C20orf203: variants seen among roughly 807,000 people sequenced by gnomAD.
C20orf203 encodes the protein chromosome 20 open reading frame 203.
In C20orf203, 16 loss-of-function variants were observed where a neutral mutation model predicts 15.9. The ratio of observed to expected loss-of-function variants is 1.01; its 90% CI spans 0.68 to 1.53. The LOEUF (loss-of-function observed/expected upper bound fraction) is 1.53, where lower values mean the gene tolerates loss of function less well. Among genes scored for constraint, C20orf203 ranks in the 40% most tolerant of loss-of-function variants. C20orf203 has a pLI of 0.00. For synonymous variants in C20orf203, 98 were observed against 97.2 expected (o/e 1.01, Z -0.05); for missense variants, 263 against 247.5 (o/e 1.06, Z -0.42).
In C20orf203 at chr20:32,633,924, C is replaced by G; in HGVS notation, c.*1646G>C. ...CCGTCCGCCTGGACTGGATGCTTCT[C>G]CCGGATCCTGATGCCTGAGCTTCAG... On this transcript the variant is annotated 3_prime_UTR_variant, in exon 6 of 6. Coordinates refer to ENST00000608990, the MANE Select transcript of C20orf203 (RefSeq NM_182584.4). The G allele has an allele frequency of 2.5e-6, 1 of 398,166 alleles. No homozygotes were observed. The highest frequency in any genetic ancestry group is 4.4e-6 in the Non-Finnish European group (1 of 226,090). The allele number at this position is 398,166 out of a possible 1,614,324, so 24.7% of individuals were successfully genotyped here. A position where few individuals can be genotyped will look rare whatever the true frequency, so the allele number is the denominator to read the frequency against.
chr20:32,637,232 G>A (rs1165124805), intron 5 of C20orf203, among the ~76,000 whole-genome samples: 1 of 152,172 alleles, frequency 6.6e-6, no homozygotes, highest in Non-Finnish European at 1.5e-5. Context: ...GACCAACATG[G>A]TGAAACCCCA....
intron 5 of C20orf203, among the ~76,000 whole-genome samples, chr20:32,639,409 G>A (rs1179678078): frequency 6.6e-6 from 1 of 152,084 alleles, no homozygotes; most frequent in African/African-American, 2.4e-5. Context: ...ACCTGGAAAC[G>A]AACCCCAGTT....
rs904251825 is a variant in C20orf203 at position 32,632,524 on chromosome 20, C to G, written c.*3046G>C. On this transcript the variant is annotated 3_prime_UTR_variant, in exon 6 of 6. Coordinates refer to ENST00000608990, the MANE Select transcript of C20orf203 (RefSeq NM_182584.4). ...GCACATGCACGTGTGTTCCTGCCCC[C>G]TCCTTGGTACTAACAGAAGCGCTCC... is the stretch of plus-strand genomic sequence containing the variant. 3.3e-5 allele frequency: 5 copies of G among 152,226 alleles called. No individual in the cohort carries two copies. The highest frequency in any genetic ancestry group is 1.2e-4 in the African/African-American group (5 of 41,454). 9.4% of individuals were successfully genotyped at this position (152,226 alleles called of 1,614,324 possible).
chr20:32,639,185 G>A (rs1982212518), intron 5 of C20orf203, among the ~76,000 whole-genome samples: 1 of 152,248 alleles, frequency 6.6e-6, no homozygotes, highest in Non-Finnish European at 1.5e-5. Flanking sequence ...GTGTTCCACA[G>A]TCCAGCAAAG....
At chr20:32,661,141 C>T (rs1310292790) in intron 1 of C20orf203, among the ~76,000 whole-genome samples, 1 of 152,138 alleles carries the variant, frequency 6.6e-6, no homozygotes, top group Non-Finnish European at 1.5e-5. Context: ...GAAAGGAGGG[C>T]CTGCGTCACC....
chr20:32,637,709 T>C (rs1384427165), intron 5 of C20orf203, among the ~76,000 whole-genome samples: 1 of 152,248 alleles, frequency 6.6e-6, no homozygotes, highest in Non-Finnish European at 1.5e-5. Flanking sequence ...GAGGTATTTC[T>C]GATGCTTAGA....
intron 1 of C20orf203, among the ~76,000 whole-genome samples, chr20:32,662,940 G>GATAA (rs1982928148): frequency 7.0e-6 from 1 of 143,532 alleles, no homozygotes; most frequent in Non-Finnish European, 1.5e-5. Flanking sequence ...TAGATAGATA[G>GATAA]ATATAAATAT....
chr20:32,659,613 C>A (rs1306491186), intron 1 of C20orf203, among the ~76,000 whole-genome samples: 1 of 152,208 alleles, frequency 6.6e-6, no homozygotes. Context: ...CCTGGCTGGA[C>A]CCCTCATGGG....
intron 4 of C20orf203, among the ~76,000 whole-genome samples, chr20:32,643,881 T>C (rs948020831): frequency 1.3e-5 from 2 of 152,212 alleles, no homozygotes; most frequent in African/African-American, 4.8e-5. Flanking sequence ...CATCATCACC[T>C]AGGAGAAGTG....
Position 32,650,471 on chromosome 20 carries a change from C to A in C20orf203, c.546G>T (p.Gln182His), listed in dbSNP as rs752015993. Residue 182 changes from glutamine to histidine, a missense_variant, in exon 4 of 6, where the codon CAG (glutamine) becomes CAT (histidine). Transcript: ENST00000608990. ...GKLPAPLISK[Q>H]QFLSNSSRSL... ...ACCGTGATGAATTGGAGAGAAACTG[C>A]TGCTTGCTAATTAAAGGTGCAGGCA... is the stretch of plus-strand genomic sequence containing the variant. 1 of 1,550,548 alleles carries A rather than the reference C, an allele frequency of 6.4e-7. No homozygotes were observed. The highest frequency in any genetic ancestry group is 1.2e-5 in the South Asian group (1 of 84,058).
At chr20:32,664,968 C>G (rs1232324829) in intron 1 of C20orf203, among the ~76,000 whole-genome samples, 2 of 152,246 alleles carry the variant, frequency 1.3e-5, no homozygotes, top group Non-Finnish European at 2.9e-5. Context: ...GACTCCGGAG[C>G]TGCCCCAGCA....
chr20:32,650,901 CAAG>C lies in C20orf203; in HGVS notation c.136-23_136-21del. 6.9e-7 allele frequency: 1 copy of C among 1,445,200 alleles called. No homozygotes were observed. The highest frequency in any genetic ancestry group is 9.1e-7 in the Non-Finnish European group (1 of 1,096,036). 89.5% of individuals were successfully genotyped at this position (1,445,200 alleles called of 1,614,324 possible). A position where few individuals can be genotyped will look rare whatever the true frequency, so the allele number is the denominator to read the frequency against. On this transcript the variant is annotated intron_variant, in intron 3 of 5. Coordinates refer to ENST00000608990, the MANE Select transcript of C20orf203 (RefSeq NM_182584.4). ...TGTGGCCTGTTGGGAACAAGGCCCC[CAAG>C]AAGATCATAGAATCTTAGTACCTGA...
chr20:32,639,047 GC>G (rs1982209662), intron 5 of C20orf203, among the ~76,000 whole-genome samples: 1 of 152,230 alleles, frequency 6.6e-6, no homozygotes. Context: ...GAGGGTACAA[GC>G]CCCAACTATC....
At chr20:32,642,761 C>T (rs977740487) in intron 4 of C20orf203, among the ~76,000 whole-genome samples, 1 of 152,130 alleles carries the variant, frequency 6.6e-6, no homozygotes, top group Non-Finnish European at 1.5e-5. Context: ...TCACCAAGGG[C>T]GCCTGCATCT....
intron 4 of C20orf203, among the ~76,000 whole-genome samples, chr20:32,642,491 G>A (rs1179743980): frequency 6.6e-6 from 1 of 152,240 alleles, no homozygotes; most frequent in East Asian, 1.9e-4. Context: ...CCAGGAGGTA[G>A]AGATAACACT....
chr20:32,642,370 A>C (rs1311954372), intron 4 of C20orf203, among the ~76,000 whole-genome samples: 1 of 152,192 alleles, frequency 6.6e-6, no homozygotes, highest in East Asian at 1.9e-4. Flanking sequence ...ATGTCTATGG[A>C]TGGACAGACA....
At chr20:32,672,680 C>T (rs1983202335) in intron 1 of C20orf203, among the ~76,000 whole-genome samples, 1 of 152,046 alleles carries the variant, frequency 6.6e-6, no homozygotes, top group African/African-American at 2.4e-5. Flanking sequence ...CCTTTTATTC[C>T]CTCCTGAATT....
chr20:32,634,383 G>T (rs1417111675), intron 5 of C20orf203, 113 bp from the exon 6 acceptor site: 1 of 395,620 alleles, frequency 2.5e-6, no homozygotes, highest in Non-Finnish European at 4.4e-6. Flanking sequence ...AGAAGTGCAC[G>T]TTGTTCCTTA....
chr20:32,665,841 C>T (rs1262761073), intron 1 of C20orf203, among the ~76,000 whole-genome samples: 1 of 152,074 alleles, frequency 6.6e-6, no homozygotes, highest in Non-Finnish European at 1.5e-5. Flanking sequence ...GAGGCTGAGG[C>T]AGGAAAATCG....
Sources: gnomAD v4.1 joint callset for allele counts (sites outside exome capture counted in the v4.1 genomes callset) on GRCh38, gnomAD v4.1.1 for gene constraint, MANE v1.5 for transcripts, NCBI Gene and HGNC (gene_info 2026-07-23, HGNC 2026-07-21) for gene names.